The following SELENON variants were observed in gnomAD, a reference collection of about 807,000 sequenced individuals.
SELENON encodes the protein selenoprotein N.
Under a neutral mutation model 59.5 loss-of-function variants are expected in SELENON, and 44 were observed. That is an observed-to-expected ratio of 0.74 (90% CI 0.58 to 0.95). The LOEUF (loss-of-function observed/expected upper bound fraction) is 0.95, where lower values mean the gene tolerates loss of function less well. SELENON is among the 40% of genes least tolerant of loss of function. The probability of loss-of-function intolerance (pLI) is 0.00; values close to 1 mark genes in which losing one functional copy is unlikely to be tolerated. For missense variants in SELENON, 674 were observed against 721.4 expected, an observed-to-expected ratio of 0.93 and a Z score of 0.75; for synonymous variants, 320 against 305.6, an observed-to-expected ratio of 1.05 and a Z score of -0.49.
rs1572226803 is a variant in SELENON at position 25,800,248 on chromosome 1, G to C, written c.18G>C (p.Pro6=). The change falls in exon 1 of 13, where the codon CCG becomes CCC. Residue 6 remains proline (P), a synonymous_variant. Coordinates refer to ENST00000361547, the MANE Select transcript of SELENON (RefSeq NM_020451.3). ...CCGCAGCCATGGGCCGGGCCCGGCC[G>C]GGCCAACGCGGGCCGCCCAGCCCCG... The C allele has an allele frequency of 1.1e-6, 1 of 883,426 alleles. No individual in the cohort carries two copies. The highest frequency in any genetic ancestry group is 1.4e-6 in the Non-Finnish European group (1 of 740,444). The allele number at this position is 883,426 out of a possible 1,614,324, so 54.7% of individuals were successfully genotyped here.
At position 25,808,660 on chromosome 1, in the gene SELENON, C is replaced by T. The variant is rs772257589; in HGVS notation, c.618C>T (p.Phe206=). ...GTGCAGTGTTTGCCACCCGCCACTT[C>T]CAGCCCTTCCTTCCCCCGCCAGGCC... is the stretch of plus-strand genomic sequence containing the variant. Residue 206 remains phenylalanine, a synonymous_variant, in exon 5 of 13, where the codon TTC becomes TTT. Transcript: ENST00000361547. 1.4e-5 allele frequency: 22 copies of T among 1,613,938 alleles called. No homozygotes were observed. In the East Asian group the frequency reaches 4.7e-4, roughly 34 times the overall value.
chr1:25,800,602 G>C (rs1430114064), intron 1 of SELENON, among the ~76,000 whole-genome samples, 189 bp downstream of exon 1: 1 of 151,712 alleles, frequency 6.6e-6, no homozygotes, highest in Non-Finnish European at 1.5e-5. Context: ...CGGGCTGATG[G>C]GGGGAAGGCG....
rs1221334124 is a variant in SELENON at position 25,811,852 on chromosome 1, G to A, written c.1254G>A (p.Leu418=). 6.4e-7 allele frequency: 1 copy of A among 1,574,012 alleles called. No homozygotes were observed. Among genetic ancestry groups the A allele is most frequent in the East Asian group, 2.3e-5 (1 of 43,052 alleles). Residue 418 remains leucine (L), a synonymous_variant, in exon 9 of 13, where the codon CTG becomes CTA. Coordinates refer to ENST00000361547, the MANE Select transcript of SELENON (RefSeq NM_020451.3). ...GCTGGGAGGAGGCTGCCCGGCGCCT[G>A]GAGGTGGCCATGTACCCCTTCAAGA...
intron 6 of SELENON, among the ~76,000 whole-genome samples, 181 bp downstream of exon 5, chr1:25,809,331 C>T (rs1304151035): frequency 6.6e-6 from 1 of 152,228 alleles, no homozygotes; most frequent in Non-Finnish European, 1.5e-5. Context: ...CTGATGACTT[C>T]CTCGTAAGGC....
chr1:25,806,604 G>A (rs1263258149), intron 4 of SELENON, among the ~76,000 whole-genome samples: 3 of 152,132 alleles, frequency 2.0e-5, no homozygotes, highest in African/African-American at 7.2e-5. Context: ...GGAGGGAGTA[G>A]GGGATAGAGA....
At chr1:25,814,532 C>T (rs1043712455) in intron 12 of SELENON, among the ~76,000 whole-genome samples, 3 of 152,128 alleles carry the variant, frequency 2.0e-5, no homozygotes, top group Non-Finnish European at 4.4e-5. Context: ...GTGACAGAGA[C>T]CAGGAGAGGG....
At chr1:25,814,914 T>C (rs529701193) in intron 12 of SELENON, among the ~76,000 whole-genome samples, 1 of 151,544 alleles carries the variant, frequency 6.6e-6, no homozygotes, top group African/African-American at 2.4e-5. Context: ...AGGTGTCCAG[T>C]GAGGGTTTGG....
chr1:25,809,094 G>C lies in SELENON; in HGVS notation c.816G>C (p.Gln272His), dbSNP rs772673181. The C allele has an allele frequency of 6.2e-7, 1 of 1,613,840 alleles. No homozygotes were observed. The stretch of plus-strand genomic sequence containing the variant: ...TTGTGAAGACCCGCTTTGCCCCTCA[G>C]GGAGCTGTGGCCTGCCTGACTGCCA... The change falls in exon 6 of 13, where the codon CAG becomes CAC. Residue 272 changes from glutamine (Q) to histidine (H), a missense_variant. By Grantham distance (24) the Gln-to-His change is conservative. Transcript: ENST00000361547.
At chr1:25,809,559 C>A in intron 6 of SELENON, 124 bp from the exon 6 acceptor site, 1 of 1,366,184 alleles carries the variant, frequency 7.3e-7, no homozygotes, top group Non-Finnish European at 1.0e-6. Context: ...TCGCTGCTGC[C>A]CACTGGCCCA....
intron 10 of SELENON, 130 bp downstream of exon 9, chr1:25,812,922 C>T (rs1273480785): frequency 7.2e-6 from 5 of 695,508 alleles, no homozygotes; most frequent in East Asian, 2.8e-5. Flanking sequence ...ATGGTAGGGG[C>T]GTGGGGTGAG....
rs372461186 is a variant in SELENON, at chr1:25,809,806, C to T, written c.996C>T (p.Phe332=). ...CCCACGTCCGCGACTTCCGGCTCTT[C>T]GTGCCCAACCACAGGTGGGAGCTTG... The change falls in exon 7 of 13, where the codon TTC becomes TTT. Residue 332 remains phenylalanine, a synonymous_variant. Coordinates refer to ENST00000361547, the MANE Select transcript of SELENON (RefSeq NM_020451.3). The T allele has an allele frequency of 3.5e-5, 56 of 1,613,544 alleles. No homozygotes were observed. The highest frequency in any genetic ancestry group is 1.0e-4 in the Admixed American group (6 of 60,002).
chr1:25,809,092 C>G lies in SELENON; in HGVS notation c.814C>G (p.Gln272Glu), dbSNP rs2047935649. The stretch of plus-strand genomic sequence containing the variant: ...CTTTGTGAAGACCCGCTTTGCCCCT[C>G]AGGGAGCTGTGGCCTGCCTGACTGC... Residue 272 changes from glutamine to glutamate, a missense_variant, in exon 6 of 13, where the codon CAG (glutamine) becomes GAG (glutamate). Gln to Glu is a conservative substitution (Grantham distance 29). Transcript: ENST00000361547. 6.2e-7 allele frequency: 1 copy of G among 1,613,856 alleles called. No homozygotes were observed. Among genetic ancestry groups the G allele is most frequent in the Non-Finnish European group, 8.5e-7 (1 of 1,180,034 alleles).
chr1:25,812,569 ACACACAC>A, intron 9 of SELENON, 111 bp from the exon 9 acceptor site: 17 of 329,900 alleles, frequency 5.2e-5, no homozygotes, highest in South Asian at 4.5e-4. Context: ...ACACAAACAC[ACACACAC>A]ACACACACAC....
In SELENON at chr1:25,812,687, G is replaced by C; in HGVS notation, c.1282G>C (p.Val428Leu). The stretch of plus-strand genomic sequence containing the variant: ...TCGCTCTGTCTCGGTGTGGCCCCAG[G>C]TCTCCTACTTGCCGTTCACTGAGGC... The change falls in exon 10 of 13, where the codon GTC (valine) becomes CTC (leucine). Residue 428 changes from valine (V) to leucine (L), a missense_variant and splice_region_variant. Coordinates refer to ENST00000361547, the MANE Select transcript of SELENON (RefSeq NM_020451.3). The C allele has an allele frequency of 6.2e-7, 1 of 1,609,046 alleles. No homozygotes were observed. The highest frequency in any genetic ancestry group is 8.5e-7 in the Non-Finnish European group (1 of 1,178,770).
chr1:25,800,488 C>A, intron 1 of SELENON, 75 bp downstream of exon 1: 1 of 826,064 alleles, frequency 1.2e-6, no homozygotes, highest in Non-Finnish European at 1.5e-6. Context: ...GCAGGGGGGA[C>A]ATGGGCATGG....
In SELENON at chr1:25,815,740, G is replaced by A; in HGVS notation, c.*22G>A. ...CTAGAGTGCCTGGACGGGATCTGATGCACAGGCCCCCACGCCTCAGAGCCA... is the reference window on the plus strand; with the variant it reads ...CTAGAGTGCCTGGACGGGATCTGATACACAGGCCCCCACGCCTCAGAGCCA... On this transcript the variant is annotated 3_prime_UTR_variant, in exon 13 of 13. Coordinates refer to ENST00000361547, the MANE Select transcript of SELENON (RefSeq NM_020451.3). The A allele has an allele frequency of 6.2e-7, 1 of 1,612,340 alleles. No individual in the cohort carries two copies. The highest frequency in any genetic ancestry group is 8.5e-7 in the Non-Finnish European group (1 of 1,179,728).
At chr1:25,809,613 T>C in intron 6 of SELENON, 70 bp from the exon 6 acceptor site, 1 of 1,604,278 alleles carries the variant, frequency 6.2e-7, no homozygotes, top group South Asian at 1.1e-5. Context: ...CTGATGATTC[T>C]GGCCAAGGCT....
In SELENON at chr1:25,807,902, C is replaced by T. The variant is rs964059151; in HGVS notation, c.538-678C>T. Among the ~76,000 whole-genome samples, 9 of 152,240 alleles carry T rather than the reference C, an allele frequency of 5.9e-5. No individual in the cohort carries two copies. Among genetic ancestry groups the T allele is most frequent in the Non-Finnish European group, 1.2e-4 (8 of 68,042 alleles). ...GGCAGGTCACCGATGAGGACTCGGG[C>T]TTAGGGAAGGCCTTTTGCCCAGGGT... On this transcript the variant is annotated intron_variant, in intron 4 of 12. Coordinates refer to ENST00000361547, the MANE Select transcript of SELENON (RefSeq NM_020451.3). The surrounding 1 kb of genome is among the most constrained non-coding windows in gnomAD (Gnocchi z 4.5).
intron 10 of SELENON, chr1:25,813,496 T>G (rs574543787): frequency 5.5e-6 from 2 of 365,120 alleles, no homozygotes; most frequent in African/African-American, 4.2e-5. Context: ...AGGGAAGGCT[T>G]TGTGAAGACA....
Sources: allele counts gnomAD v4.1 joint callset (sites outside exome capture counted in the v4.1 genomes callset), GRCh38; gene constraint gnomAD v4.1.1; non-coding constraint Gnocchi (gnomAD v3.1); transcripts MANE v1.5; gene names NCBI Gene and HGNC (gene_info 2026-07-23, HGNC 2026-07-21).